UBXN2B: variants seen among roughly 807,000 people sequenced by gnomAD.
UBXN2B encodes UBX domain-containing protein 2B.
In UBXN2B, 19 loss-of-function variants were observed where a neutral mutation model predicts 37.5. The ratio of observed to expected loss-of-function variants is 0.51; its 90% confidence interval spans 0.35 to 0.74. The LOEUF is 0.74. Among genes scored for constraint, UBXN2B ranks in the 30% least tolerant of loss-of-function variants. The pLI is 0.01. For missense variants in UBXN2B, 370 were observed against 393.2 expected, an observed-to-expected ratio of 0.94 and a Z score of 0.50; for synonymous variants, 145 against 143.8, an observed-to-expected ratio of 1.01 and a Z score of -0.06.
intron 2 of UBXN2B, among the ~76,000 whole-genome samples, chr8:58,427,295 A>AC (rs1808126997): frequency 6.6e-6 from 1 of 152,090 alleles, no homozygotes; most frequent in South Asian, 2.1e-4. Context: ...CAGGGCTTAA[A>AC]CCCCATCTCT....
chr8:58,418,962 A>G (rs1033675836), intron 2 of UBXN2B, among the ~76,000 whole-genome samples: 1 of 152,156 alleles, frequency 6.6e-6, no homozygotes. Flanking sequence ...CTGTATTAAT[A>G]TTTTCCTTGC....
At chr8:58,424,670 G>A in intron 2 of UBXN2B, 1 of 1,256,024 alleles carries the variant, frequency 8.0e-7, no homozygotes, top group Non-Finnish European at 1.2e-6. Flanking sequence ...TGCACAGCGT[G>A]GAGTTGGAGT....
At chr8:58,418,608 C>T (rs1316439733) in intron 2 of UBXN2B, among the ~76,000 whole-genome samples, 1 of 152,134 alleles carries the variant, frequency 6.6e-6, no homozygotes, top group African/African-American at 2.4e-5. Flanking sequence ...TATTACATGA[C>T]AACAGGAGTC....
At chr8:58,447,281 C>A (rs1808703630) in intron 7 of UBXN2B, 108 bp from the exon 8 acceptor site, 1 of 1,032,984 alleles carries the variant, frequency 9.7e-7, no homozygotes. Flanking sequence ...AGTTACAACA[C>A]CTTTATATAA....
At chr8:58,418,629 G>T (rs1345129616) in intron 2 of UBXN2B, among the ~76,000 whole-genome samples, 1 of 152,150 alleles carries the variant, frequency 6.6e-6, no homozygotes, top group African/African-American at 2.4e-5. Context: ...ATAATTTCAG[G>T]ATTTTCCACC....
chr8:58,423,823 A>G (rs1267582699), intron 2 of UBXN2B, among the ~76,000 whole-genome samples: 11 of 151,914 alleles, frequency 7.2e-5, no homozygotes, highest in African/African-American at 2.7e-4. Flanking sequence ...TCATTCATAG[A>G]TGCCTTTTTT....
intron 2 of UBXN2B, chr8:58,424,698 G>T (rs1417539558): frequency 4.6e-6 from 6 of 1,294,414 alleles, no homozygotes; most frequent in Admixed American, 3.4e-5. Flanking sequence ...GGGGGGGGGG[G>T]CTCTGATCTC....
In UBXN2B at chr8:58,446,596, AATAG is replaced by A. The variant is rs573404605; in HGVS notation, c.833+532_833+535del. On this transcript the variant is annotated intron_variant, in intron 7 of 7. Coordinates refer to ENST00000399598, the MANE Select transcript of UBXN2B (RefSeq NM_001077619.2). ...GATTTGTCCATTGAAGTAAGACCCTAATAGATATATTTATGATTTTGGTTGAATT... is the reference window on the plus strand; with the variant it reads ...GATTTGTCCATTGAAGTAAGACCCTAATATATTTATGATTTTGGTTGAATT... 4.6e-5 allele frequency among the ~76,000 whole-genome samples: 7 copies of A among 151,992 alleles called. No individual in the cohort carries two copies. The South Asian group carries it at 1.5e-3, about 32-fold the overall frequency.
chr8:58,436,343 A>G (rs1021221695), intron 5 of UBXN2B, among the ~76,000 whole-genome samples: 1 of 152,246 alleles, frequency 6.6e-6, no homozygotes, highest in African/African-American at 2.4e-5. Context: ...TTTTGCTTGT[A>G]TATGAGACAG....
chr8:58,428,031 C>A (rs1808148580), intron 2 of UBXN2B, among the ~76,000 whole-genome samples: 2 of 152,144 alleles, frequency 1.3e-5, no homozygotes, highest in Non-Finnish European at 2.9e-5. Context: ...AGGATAGGCT[C>A]AAAAGGATCA....
At chr8:58,441,367 A>ATATATATATATATATGTATG (rs1554553148) in intron 6 of UBXN2B, among the ~76,000 whole-genome samples, 2 of 142,470 alleles carry the variant, frequency 1.4e-5, no homozygotes, top group African/African-American at 5.3e-5. Context: ...ATATATATAT[A>ATATATATATATATATGTATG]TGTATGTGTA....
At chr8:58,420,439 C>T (rs967215936) in intron 2 of UBXN2B, among the ~76,000 whole-genome samples, 3 of 152,128 alleles carry the variant, frequency 2.0e-5, no homozygotes, top group Non-Finnish European at 4.4e-5. Flanking sequence ...GTATAATAAA[C>T]AGCATATTAT....
In UBXN2B at chr8:58,446,779, A is replaced by AT. The variant is rs869090698; in HGVS notation, c.834-574dup. Among the ~76,000 whole-genome samples, 23 of 17,402 alleles carry AT rather than the reference A, an allele frequency of 1.3e-3. 10 individuals are homozygous for AT. The highest frequency in any genetic ancestry group is 4.0e-3 in the African/African-American group (18 of 4,458). The allele number at this position is 17,402 out of a possible 152,430, so 11.4% of individuals were successfully genotyped here. On this transcript the variant is annotated intron_variant, in intron 7 of 7. Coordinates refer to ENST00000399598, the MANE Select transcript of UBXN2B (RefSeq NM_001077619.2). ...ATACTCCGAAAAAAGTACAACCTGC[A>AT]TTTTTTTTTTTTTTTTTTTTTTTTT...
At chr8:58,427,328 T>C (rs1466634302) in intron 2 of UBXN2B, among the ~76,000 whole-genome samples, 5 of 152,110 alleles carry the variant, frequency 3.3e-5, no homozygotes, top group Non-Finnish European at 2.9e-5. Context: ...CCAAGCGTGG[T>C]GGTGCACGCC....
chr8:58,412,272 A>G (rs944958988), intron 1 of UBXN2B, among the ~76,000 whole-genome samples: 19 of 152,214 alleles, frequency 1.2e-4, no homozygotes, highest in Non-Finnish European at 7.3e-5. Context: ...AATGTGAACA[A>G]ACCACCATCC....
intron 2 of UBXN2B, among the ~76,000 whole-genome samples, chr8:58,420,984 A>G (rs1030601438): frequency 6.6e-6 from 1 of 152,240 alleles, no homozygotes; most frequent in Non-Finnish European, 1.5e-5. Context: ...CATACAGAAA[A>G]TAAAAACTGC....
At chr8:58,436,368 A>G (rs552627552) in intron 5 of UBXN2B, among the ~76,000 whole-genome samples, 1 of 152,348 alleles carries the variant, frequency 6.6e-6, no homozygotes, top group South Asian at 2.1e-4. Context: ...AGGTTTTAGG[A>G]TCAGACAGTA....
intron 3 of UBXN2B, among the ~76,000 whole-genome samples, chr8:58,432,150 A>G (rs1808295288): frequency 6.6e-6 from 1 of 152,122 alleles, no homozygotes; most frequent in African/African-American, 2.4e-5. Flanking sequence ...TGTATTGTCT[A>G]AGAACTTTTT....
chr8:58,421,191 C>A (rs372798546), intron 2 of UBXN2B, among the ~76,000 whole-genome samples: 9 of 152,172 alleles, frequency 5.9e-5, no homozygotes, highest in African/African-American at 2.2e-4. Flanking sequence ...CCCGAAGCAA[C>A]TGGGCTCTTT....
Sources: allele counts gnomAD v4.1 joint callset (sites outside exome capture counted in the v4.1 genomes callset), GRCh38; gene constraint gnomAD v4.1.1; transcripts MANE v1.5; gene names NCBI Gene and HGNC (gene_info 2026-07-23, HGNC 2026-07-21).